Variants in TP63 observed in about 807,000 individuals in gnomAD.
TP63 encodes tumor protein 63.
TP63 carries 17 observed loss-of-function variants against 82.8 expected under a neutral mutation model. That is an observed-to-expected ratio of 0.21 (90% CI 0.14 to 0.31). The LOEUF (loss-of-function observed/expected upper bound fraction) is 0.31, where lower values mean the gene tolerates loss of function less well. TP63 is among the 10% of genes least tolerant of loss of function. The pLI, the probability that TP63 is intolerant of heterozygous loss-of-function variation, is 1.00. For missense variants in TP63, 648 were observed against 895.3 expected (o/e 0.72, Z 3.52); for synonymous variants, 330 against 321.7 (o/e 1.03, Z -0.28).
intron 1 of TP63, among the ~76,000 whole-genome samples, chr3:189,695,308 G>A (rs540578595): frequency 1.4e-5 from 2 of 147,092 alleles, no homozygotes; most frequent in Non-Finnish European, 3.0e-5. Flanking sequence ...GTTAGTTCCT[G>A]TGTCCCTTTG....
At chr3:189,810,124 C>T (rs969148500) in intron 4 of TP63, among the ~76,000 whole-genome samples, 2 of 152,158 alleles carry the variant, frequency 1.3e-5, no homozygotes, top group South Asian at 2.1e-4. Context: ...CTCTCCTCCA[C>T]GTGTTACTTA....
intron 1 of TP63, among the ~76,000 whole-genome samples, chr3:189,713,074 G>A (rs1029589040): frequency 2.0e-5 from 3 of 152,144 alleles, no homozygotes; most frequent in Admixed American, 6.6e-5. Flanking sequence ...AGACAGAGAG[G>A]TCAGATTGGA....
At chr3:189,767,262 C>T (rs189677764) in intron 3 of TP63, among the ~76,000 whole-genome samples, 1 of 151,940 alleles carries the variant, frequency 6.6e-6, no homozygotes, top group Non-Finnish European at 1.5e-5. Context: ...GAACCAGTTT[C>T]TCATCCAGCA....
rs2108806623 is a variant in TP63, at chr3:189,868,652, T to C, written c.1065T>C (p.Asp355=). ...GCCCAGGAAGAGACAGGAAGGCGGA[T>C]GAAGATAGCATCAGAAAGCAGCAAG... The part of the protein sequence containing the change: ...CACPGRDRKA[D]EDSIRKQQVS... Residue 355 remains aspartate (D), a synonymous_variant, in exon 8 of 14, where the codon GAT becomes GAC. Transcript: ENST00000264731. 6.2e-7 allele frequency: 1 copy of C among 1,614,094 alleles called. No homozygotes were observed. Among genetic ancestry groups the C allele is most frequent in the Non-Finnish European group, 8.5e-7 (1 of 1,179,996 alleles).
chr3:189,659,433 A>G (rs1323677098), intron 1 of TP63, among the ~76,000 whole-genome samples: 1 of 152,058 alleles, frequency 6.6e-6, no homozygotes, highest in Non-Finnish European at 1.5e-5. Context: ...TCTATGTACC[A>G]TATTTTCTTT....
chr3:189,704,229 C>A (rs1577271383), intron 1 of TP63, among the ~76,000 whole-genome samples: 1 of 152,210 alleles, frequency 6.6e-6, no homozygotes, highest in Admixed American at 6.5e-5. Flanking sequence ...CCTGCTCCAA[C>A]CTAAAAGGTT....
chr3:189,750,231 G>GT (rs78754329), intron 3 of TP63, among the ~76,000 whole-genome samples: 9,166 of 151,946 alleles, frequency 0.06, 367 homozygotes, highest in Admixed American at 0.13. Flanking sequence ...GACAAATATT[G>GT]TAAGTTCTCA....
At chr3:189,799,077 T>G (rs1169128820) in intron 3 of TP63, among the ~76,000 whole-genome samples, 1 of 152,118 alleles carries the variant, frequency 6.6e-6, no homozygotes, top group Non-Finnish European at 1.5e-5. Context: ...CAAGATTGAG[T>G]AGTACACTCC....
chr3:189,734,042 TTTTC>T (rs1460061788), intron 1 of TP63, among the ~76,000 whole-genome samples: 1 of 151,864 alleles, frequency 6.6e-6, no homozygotes, highest in Non-Finnish European at 1.5e-5. Flanking sequence ...TTTTCTTTCT[TTTTC>T]TTTCTCTCTT....
At chr3:189,803,793 G>T (rs1726576182) in intron 3 of TP63, among the ~76,000 whole-genome samples, 2 of 152,198 alleles carry the variant, frequency 1.3e-5, no homozygotes, top group Admixed American at 6.5e-5. Flanking sequence ...TGAAGCATCT[G>T]TTTGGAATCA....
chr3:189,732,735 C>A (rs915605698), intron 1 of TP63, among the ~76,000 whole-genome samples: 3 of 152,194 alleles, frequency 2.0e-5, no homozygotes, highest in African/African-American at 7.2e-5. Flanking sequence ...AGGTCAGCCC[C>A]ATTCCAAAAC....
At chr3:189,839,822 A>G (rs1455998359) in intron 4 of TP63, among the ~76,000 whole-genome samples, 14 of 152,210 alleles carry the variant, frequency 9.2e-5, no homozygotes, top group Non-Finnish European at 2.1e-4. Context: ...CTCAGCCTTG[A>G]AATGAGTCAC....
intron 1 of TP63, among the ~76,000 whole-genome samples, chr3:189,695,598 A>G (rs1717316257): frequency 6.6e-6 from 1 of 152,192 alleles, no homozygotes; most frequent in Non-Finnish European, 1.5e-5. Flanking sequence ...ATACTGACCC[A>G]TGTATATGCA....
chr3:189,881,784 T>C (rs908814170), intron 10 of TP63, among the ~76,000 whole-genome samples: 4 of 152,214 alleles, frequency 2.6e-5, no homozygotes, highest in Non-Finnish European at 5.9e-5. Flanking sequence ...CCAGACACCA[T>C]AGAATCATTT....
At chr3:189,645,029 G>A (rs191132198) in intron 1 of TP63, among the ~76,000 whole-genome samples, 43 of 151,804 alleles carry the variant, frequency 2.8e-4, no homozygotes, top group Admixed American at 2.8e-3. Flanking sequence ...TGTCTTCCTC[G>A]ATATTCAGAC....
At chr3:189,634,737 T>C (rs1257245531) in intron 1 of TP63, among the ~76,000 whole-genome samples, 2 of 152,102 alleles carry the variant, frequency 1.3e-5, no homozygotes, top group Non-Finnish European at 2.9e-5. Context: ...AAAAGTTCAA[T>C]AAATAAGTCA....
chr3:189,786,183 G>A (rs55807849), intron 3 of TP63, among the ~76,000 whole-genome samples: 31,334 of 151,828 alleles, frequency 0.21, 3,999 homozygotes, highest in Admixed American at 0.3. Flanking sequence ...CGATTGATGA[G>A]AGTGGATTTT....
At chr3:189,865,349 A>ATG (rs1343298734) in intron 5 of TP63, among the ~76,000 whole-genome samples, 4 of 152,194 alleles carry the variant, frequency 2.6e-5, no homozygotes, top group African/African-American at 9.7e-5. Context: ...ATCCATGAAT[A>ATG]AGTCATGCCT....
At chr3:189,794,581 T>C (rs987619922) in intron 3 of TP63, among the ~76,000 whole-genome samples, 35 of 151,932 alleles carry the variant, frequency 2.3e-4, no homozygotes, top group African/African-American at 8.2e-4. Context: ...AAGCATCAAA[T>C]AGTTCAAATG....
Sources: gnomAD v4.1 joint callset for allele counts (sites outside exome capture counted in the v4.1 genomes callset) on GRCh38, gnomAD v4.1.1 for gene constraint, MANE v1.5 for transcripts, NCBI Gene and HGNC (gene_info 2026-07-23, HGNC 2026-07-21) for gene names.